The following EFCAB6 variants were observed in gnomAD, a reference collection of about 807,000 sequenced individuals.
EFCAB6 encodes the protein EF-hand calcium binding domain 6.
In EFCAB6, 156 loss-of-function variants were observed where a neutral mutation model predicts 169.8. That is an observed-to-expected ratio of 0.92 (90% confidence interval 0.81 to 1.05). The LOEUF (loss-of-function observed/expected upper bound fraction) is 1.05, where lower values mean the gene tolerates loss of function less well. EFCAB6 is among the 50% of genes least tolerant of loss of function. The pLI, the probability that EFCAB6 is intolerant of heterozygous loss-of-function variation, is 0.00. For missense variants in EFCAB6, 1,800 were observed against 1,829.1 expected (o/e 0.98, Z 0.29); for synonymous variants, 698 against 676.4 (o/e 1.03, Z -0.50).
intron 2 of EFCAB6, among the ~76,000 whole-genome samples, chr22:43,785,543 C>T (rs1296046282): frequency 6.9e-6 from 1 of 144,794 alleles, no homozygotes; most frequent in African/African-American, 2.4e-5. Context: ...GATGTTAATG[C>T]CTATATTTTA....
chr22:43,618,168 A>AGGAG (rs59199699), intron 20 of EFCAB6, among the ~76,000 whole-genome samples: 1 of 85,880 alleles, frequency 1.2e-5, no homozygotes, highest in Non-Finnish European at 2.8e-5. Flanking sequence ...GAAGGAAGGA[A>AGGAG]AGAAAGAAAG....
In EFCAB6 at chr22:43,714,352, G is replaced by T. The variant is rs79587533; in HGVS notation, c.882+2496C>A. Among the ~76,000 whole-genome samples, 465 of 151,920 alleles carry T rather than the reference G, an allele frequency of 3.1e-3. 2 individuals carry two copies. Among genetic ancestry groups the T allele is most frequent in the African/African-American group, 0.011 (443 of 41,432 alleles). ...AAGGAAGGAAGGATAGAAGGAGGAA[G>T]GGAGAGAGAGGAGATGATTTTAGTA... is the stretch of plus-strand genomic sequence containing the variant. On this transcript the variant is annotated intron_variant, in intron 9 of 31. Transcript: ENST00000262726.
intron 2 of EFCAB6, among the ~76,000 whole-genome samples, chr22:43,801,798 G>A (rs562170550): frequency 6.6e-6 from 1 of 152,234 alleles, no homozygotes; most frequent in East Asian, 1.9e-4. Context: ...CAGTAAGAAA[G>A]GAAGGAAGGG....
chr22:43,736,771 G>A (rs147354044), intron 6 of EFCAB6, among the ~76,000 whole-genome samples: 80 of 152,212 alleles, frequency 5.3e-4, no homozygotes, highest in Middle Eastern at 3.4e-3. Flanking sequence ...TCTGAAGGAG[G>A]TACCATTTCC....
intron 2 of EFCAB6, among the ~76,000 whole-genome samples, chr22:43,806,769 G>A (rs1397017085): frequency 1.3e-5 from 2 of 152,126 alleles, no homozygotes; most frequent in African/African-American, 4.8e-5. Context: ...TTTCAAAACT[G>A]AGGGTATATC....
chr22:43,563,598 C>G (rs1210956067), intron 26 of EFCAB6, among the ~76,000 whole-genome samples: 1 of 152,198 alleles, frequency 6.6e-6, no homozygotes. Flanking sequence ...AAACCAGCCA[C>G]CTCAACGGCA....
At chr22:43,640,069 A>G (rs1235866814) in intron 17 of EFCAB6, among the ~76,000 whole-genome samples, 3 of 152,134 alleles carry the variant, frequency 2.0e-5, no homozygotes, top group African/African-American at 7.2e-5. Flanking sequence ...TGTATCACTG[A>G]GCATTTTTAT....
At chr22:43,723,192 C>A (rs2059600617) in intron 8 of EFCAB6, among the ~76,000 whole-genome samples, 1 of 152,088 alleles carries the variant, frequency 6.6e-6, no homozygotes, top group African/African-American at 2.4e-5. Context: ...TATGGATGAG[C>A]AAAATAAGTG....
chr22:43,571,639 A>G (rs574176941), intron 26 of EFCAB6, among the ~76,000 whole-genome samples: 1 of 152,210 alleles, frequency 6.6e-6, no homozygotes, highest in East Asian at 1.9e-4. Flanking sequence ...AGGAGTCCTC[A>G]GCGATTCTTC....
At chr22:43,623,930 A>C (rs1355108100) in intron 20 of EFCAB6, among the ~76,000 whole-genome samples, 1 of 147,768 alleles carries the variant, frequency 6.8e-6, no homozygotes, top group Admixed American at 6.7e-5. Context: ...AAAGAAAAAA[A>C]AGAAAAAAGA....
At chr22:43,792,872 T>C (rs2062356236) in intron 2 of EFCAB6, among the ~76,000 whole-genome samples, 12 of 152,326 alleles carry the variant, frequency 7.9e-5, no homozygotes, top group Middle Eastern at 3.4e-3. Flanking sequence ...CAGCCGAAAG[T>C]CACTGGCTGC....
At chr22:43,589,987 T>TG (rs1403829322) in intron 24 of EFCAB6, 87 bp downstream of exon 24, 1 of 1,514,972 alleles carries the variant, frequency 6.6e-7, no homozygotes, top group Non-Finnish European at 8.9e-7. Context: ...GAAGGCTGTT[T>TG]GGGCGGACAT....
chr22:43,540,082 G>T, intron 28 of EFCAB6, 45 bp downstream of exon 28: 1 of 1,600,760 alleles, frequency 6.2e-7, no homozygotes. Flanking sequence ...ATTTGTGGAT[G>T]TGGCATGAGG....
At position 43,667,216 on chromosome 22, in the gene EFCAB6, ACTT is replaced by A; in HGVS notation, c.1868_1870del (p.Glu623del). 3 of 1,613,950 alleles carry A rather than the reference ACTT, an allele frequency of 1.9e-6. No individual in the cohort carries two copies. The highest frequency in any genetic ancestry group is 2.5e-6 in the Non-Finnish European group (3 of 1,179,968). On this transcript the variant is annotated inframe_deletion, in exon 17 of 32. Coordinates refer to ENST00000262726, the MANE Select transcript of EFCAB6 (RefSeq NM_022785.4). ...TATACACTTTTTGAATTTTTCAATC[ACTT>A]CTTCTGTGGTCATCTTCTTGGTCAG...
chr22:43,809,904 C>T (rs1447597567), intron 1 of EFCAB6, among the ~76,000 whole-genome samples: 1 of 152,158 alleles, frequency 6.6e-6, no homozygotes, highest in Admixed American at 6.5e-5. Context: ...CCGCGCACAG[C>T]CTGTTTTGTT....
intron 12 of EFCAB6, among the ~76,000 whole-genome samples, chr22:43,678,647 G>C (rs1447027824): frequency 1.3e-5 from 2 of 152,050 alleles, no homozygotes; most frequent in Non-Finnish European, 2.9e-5. Flanking sequence ...TACATAAATG[G>C]ACAACTACTT....
intron 10 of EFCAB6, among the ~76,000 whole-genome samples, chr22:43,691,081 G>C (rs1213392581): frequency 6.6e-6 from 1 of 152,016 alleles, no homozygotes; most frequent in African/African-American, 2.4e-5. Context: ...CTAGCACTGT[G>C]GACATGATCA....
chr22:43,573,441 A>G (rs928551434), intron 26 of EFCAB6, among the ~76,000 whole-genome samples: 7 of 139,014 alleles, frequency 5.0e-5, no homozygotes, highest in Non-Finnish European at 1.1e-4. Flanking sequence ...ACATTCATAT[A>G]ATAAAAAGGG....
At chr22:43,742,246 T>C (rs887577516) in intron 6 of EFCAB6, among the ~76,000 whole-genome samples, 4 of 152,236 alleles carry the variant, frequency 2.6e-5, no homozygotes, top group African/African-American at 4.8e-5. Context: ...TTTCATGACA[T>C]GCGAAAGTTA....
Sources: allele counts gnomAD v4.1 joint callset (sites outside exome capture counted in the v4.1 genomes callset), GRCh38; gene constraint gnomAD v4.1.1; transcripts MANE v1.5; gene names NCBI Gene and HGNC (gene_info 2026-07-23, HGNC 2026-07-21).